Variants in PRKN observed in about 807,000 individuals in gnomAD.
PRKN encodes parkin RBR E3 ubiquitin protein ligase.
PRKN carries 56 observed loss-of-function variants against 59.5 expected under a neutral mutation model. That is an observed-to-expected ratio of 0.94 (90% confidence interval 0.76 to 1.18). PRKN has a LOEUF of 1.18. Ranked by LOEUF, PRKN falls within the 50% of genes most tolerant of loss-of-function variation. PRKN has a pLI of 0.00. For missense variants in PRKN, 657 were observed against 596.4 expected (o/e 1.10, Z -1.06); for synonymous variants, 250 against 222.1 (o/e 1.13, Z -1.12).
rs911100505 is a variant in PRKN, at chr6:161,911,307, T to C, written c.734+61995A>G. ...GTCGCTCCCCTTTGTGACAGGCTGGTGGAATGACTTACAGTTCAGCCCACC... is the reference window on the plus strand; with the variant it reads ...GTCGCTCCCCTTTGTGACAGGCTGGCGGAATGACTTACAGTTCAGCCCACC... On this transcript the variant is annotated intron_variant, in intron 6 of 11. Coordinates refer to ENST00000366898, the MANE Select transcript of PRKN (RefSeq NM_004562.3). 7.9e-5 allele frequency among the ~76,000 whole-genome samples: 12 copies of C among 151,650 alleles called. No homozygotes were observed. The East Asian group carries it at 2.3e-3, about 29-fold the overall frequency.
At chr6:161,770,657 G>A (rs373057845) in intron 7 of PRKN, among the ~76,000 whole-genome samples, 12 of 152,056 alleles carry the variant, frequency 7.9e-5, no homozygotes, top group Admixed American at 2.0e-4. Context: ...TAGTAAAGAC[G>A]GGATTTCACC....
intron 1 of PRKN, among the ~76,000 whole-genome samples, chr6:162,572,761 T>C (rs1455274389): frequency 6.6e-6 from 1 of 152,222 alleles, no homozygotes; most frequent in Non-Finnish European, 1.5e-5. Flanking sequence ...ACACTTATTA[T>C]GCAGACATAC....
chr6:162,556,370 T>TGC (rs1562382067), intron 1 of PRKN, among the ~76,000 whole-genome samples: 7 of 99,372 alleles, frequency 7.0e-5, no homozygotes, highest in East Asian at 1.5e-3. Context: ...TGTGTGTGTG[T>TGC]GTGTGTGTGT....
rs748892763 is a variant in PRKN, at chr6:162,262,626, C to T, written c.311G>A (p.Arg104Gln). ...GAGGACTGAGCTGCTGAGGTCCACCCGAGTCAAGCTCTGGGGCTCCCGCTC... is the reference window on the plus strand; with the variant it reads ...GAGGACTGAGCTGCTGAGGTCCACCTGAGTCAAGCTCTGGGGCTCCCGCTC... ...GCEREPQSLT[R>Q]VDLSSSVLPG... The change falls in exon 3 of 12, where the codon CGG becomes CAG. Residue 104 changes from arginine to glutamine, a missense_variant. Coordinates refer to ENST00000366898, the MANE Select transcript of PRKN (RefSeq NM_004562.3). 18 of 1,613,860 alleles carry T rather than the reference C, an allele frequency of 1.1e-5. No homozygotes were observed. Among genetic ancestry groups the T allele is most frequent in the South Asian group, 3.3e-5 (3 of 91,076 alleles).
At chr6:162,009,565 G>A (rs80001184) in intron 5 of PRKN, among the ~76,000 whole-genome samples, 10,884 of 151,826 alleles carry the variant, frequency 0.072, 509 homozygotes, top group Middle Eastern at 0.11. Context: ...CACAGACTCG[G>A]AGGTTTTTTG....
intron 6 of PRKN, among the ~76,000 whole-genome samples, chr6:161,857,381 C>G (rs977053143): frequency 6.6e-6 from 1 of 152,126 alleles, no homozygotes; most frequent in Non-Finnish European, 1.5e-5. Flanking sequence ...ACTTACAAAA[C>G]AGGTGGTGGG....
chr6:161,988,116 G>A (rs933594011), intron 5 of PRKN, among the ~76,000 whole-genome samples: 6 of 152,270 alleles, frequency 3.9e-5, no homozygotes, highest in Non-Finnish European at 8.8e-5. Context: ...AAAGTTGGTG[G>A]CCCCGGCCTT....
At chr6:161,636,730 G>GTA (rs1229334009) in intron 7 of PRKN, among the ~76,000 whole-genome samples, 2 of 152,046 alleles carry the variant, frequency 1.3e-5, no homozygotes, top group African/African-American at 2.4e-5. Flanking sequence ...CTGTCTCTAT[G>GTA]TATATATAAA....
chr6:161,918,786 G>A (rs1480234479), intron 6 of PRKN, among the ~76,000 whole-genome samples: 3 of 152,122 alleles, frequency 2.0e-5, no homozygotes, highest in Non-Finnish European at 2.9e-5. Context: ...CGAGATATAC[G>A]ACTGGGTTAA....
At chr6:162,492,058 C>T (rs1028583350) in intron 1 of PRKN, among the ~76,000 whole-genome samples, 2 of 152,148 alleles carry the variant, frequency 1.3e-5, no homozygotes, top group African/African-American at 4.8e-5. Flanking sequence ...GATGGTCCTG[C>T]TTCTGAACTC....
intron 7 of PRKN, among the ~76,000 whole-genome samples, chr6:161,672,578 C>T (rs1582982278): frequency 6.6e-6 from 1 of 152,082 alleles, no homozygotes; most frequent in East Asian, 1.9e-4. Context: ...GAGTTCGAGA[C>T]CAGCCTGGAC....
chr6:161,587,843 T>C (rs1315843991), intron 7 of PRKN, among the ~76,000 whole-genome samples: 1 of 152,214 alleles, frequency 6.6e-6, no homozygotes, highest in Non-Finnish European at 1.5e-5. Flanking sequence ...CTGTATCTAA[T>C]ATATTCTGAG....
rs974610818 is a variant in PRKN at position 162,709,455 on chromosome 6, G to C, written c.7+18207C>G. Among the ~76,000 whole-genome samples, 3 of 151,528 alleles carry C rather than the reference G, an allele frequency of 2.0e-5. No individual in the cohort carries two copies. In the South Asian group the frequency reaches 6.2e-4, roughly 32 times the overall value. ...AGAGATGAGGCAACCTCTCCCCTTG[G>C]ACAAACAGCAGACTGACTTACTGCT... On this transcript the variant is annotated intron_variant, in intron 1 of 11. Transcript: ENST00000366898.
intron 3 of PRKN, among the ~76,000 whole-genome samples, chr6:162,253,693 A>C (rs1457806915): frequency 2.0e-5 from 3 of 152,092 alleles, no homozygotes; most frequent in African/African-American, 7.2e-5. Context: ...ATGAGACACC[A>C]CCAAAATTGT....
At chr6:162,444,057 A>G (rs12208157) in intron 1 of PRKN, among the ~76,000 whole-genome samples, 56,658 of 151,654 alleles carry the variant, frequency 0.37, 11,404 homozygotes, top group African/African-American at 0.54. Context: ...GGGTGGAGAC[A>G]CTAGTGACAC....
chr6:161,973,004 A>G (rs1055622500), intron 6 of PRKN, among the ~76,000 whole-genome samples: 8 of 152,258 alleles, frequency 5.3e-5, no homozygotes, highest in Non-Finnish European at 8.8e-5. Flanking sequence ...GTGAGCTTAT[A>G]TTTTAATATC....
At chr6:161,837,247 G>C (rs62436133) in intron 6 of PRKN, among the ~76,000 whole-genome samples, 3,813 of 152,116 alleles carry the variant, frequency 0.025, 65 homozygotes, top group Middle Eastern at 0.041. Flanking sequence ...GAAAATCTGG[G>C]AATTTTTCCC....
intron 2 of PRKN, among the ~76,000 whole-genome samples, chr6:162,286,589 C>T (rs993580687): frequency 1.3e-5 from 2 of 152,200 alleles, no homozygotes; most frequent in Non-Finnish European, 2.9e-5. Flanking sequence ...AATGCTAGAT[C>T]GCTCTCAAGT....
intron 7 of PRKN, among the ~76,000 whole-genome samples, chr6:161,736,722 A>C (rs1787979823): frequency 1.3e-5 from 2 of 152,238 alleles, no homozygotes; most frequent in African/African-American, 4.8e-5. Flanking sequence ...ATGTCATGTA[A>C]GATATACAAC....
Sources: allele counts gnomAD v4.1 joint callset (sites outside exome capture counted in the v4.1 genomes callset), GRCh38; gene constraint gnomAD v4.1.1; transcripts MANE v1.5; gene names NCBI Gene and HGNC (gene_info 2026-07-23, HGNC 2026-07-21).